RNLS: variants seen among roughly 807,000 people sequenced by gnomAD.
The protein encoded by RNLS is renalase, FAD dependent amine oxidase.
Under a neutral mutation model 39.8 loss-of-function variants are expected in RNLS, and 39 were observed. That is an observed-to-expected ratio of 0.98 (90% CI 0.76 to 1.28). RNLS has a LOEUF of 1.28. Ranked by LOEUF, RNLS falls within the 50% of genes most tolerant of loss-of-function variation. RNLS has a pLI of 0.00. For missense variants in RNLS, 410 were observed against 413.3 expected, an observed-to-expected ratio of 0.99 and a Z score of 0.07; for synonymous variants, 147 against 150.7, an observed-to-expected ratio of 0.98 and a Z score of 0.18.
At chr10:88,186,793 G>A in the RNLS span, among the ~76,000 whole-genome samples, 3 of 151,934 alleles carry the variant, frequency 2.0e-5, no homozygotes, top group East Asian at 1.9e-4. Context: ...TCAGAAGCCC[G>A]AAATATTCCC....
intron 4 of RNLS, among the ~76,000 whole-genome samples, chr10:88,534,223 T>G (rs1481934182): frequency 6.6e-6 from 1 of 152,118 alleles, no homozygotes; most frequent in Admixed American, 6.6e-5. Context: ...ATTTGTTTTA[T>G]GGACTGGAGA....
At chr10:88,502,128 G>A (rs1474928745) in intron 4 of RNLS, among the ~76,000 whole-genome samples, 1 of 151,934 alleles carries the variant, frequency 6.6e-6, no homozygotes, top group Non-Finnish European at 1.5e-5. Flanking sequence ...ACTGAAATCA[G>A]AAACACCCAG....
the RNLS span, among the ~76,000 whole-genome samples, chr10:88,244,300 C>T: frequency 2.0e-5 from 3 of 152,216 alleles, no homozygotes; most frequent in Non-Finnish European, 4.4e-5. Context: ...AGGAGGGCAG[C>T]CAGATCCGTA....
At chr10:88,513,803 C>G (rs567860776) in intron 4 of RNLS, among the ~76,000 whole-genome samples, 1 of 152,216 alleles carries the variant, frequency 6.6e-6, no homozygotes, top group South Asian at 2.1e-4. Context: ...ACAGTTAACA[C>G]TCCCACCAGC....
At chr10:88,326,887 T>A (rs565989065) in intron 5 of RNLS, among the ~76,000 whole-genome samples, 3 of 152,214 alleles carry the variant, frequency 2.0e-5, no homozygotes, top group African/African-American at 7.2e-5. Flanking sequence ...CTTGCATCAG[T>A]GTGACCTGGA....
At chr10:88,572,196 G>T (rs1160132371) in intron 4 of RNLS, among the ~76,000 whole-genome samples, 2 of 152,104 alleles carry the variant, frequency 1.3e-5, no homozygotes, top group Non-Finnish European at 1.5e-5. Context: ...GCTATTTGTA[G>T]TTTAGAGTCT....
At chr10:88,338,719 T>C (rs911362816) in intron 5 of RNLS, among the ~76,000 whole-genome samples, 4 of 151,558 alleles carry the variant, frequency 2.6e-5, no homozygotes, top group Admixed American at 1.3e-4. Flanking sequence ...AGTTTGAATA[T>C]CACTCATCAT....
chr10:88,442,240 G>A (rs2133854032), intron 4 of RNLS, among the ~76,000 whole-genome samples: 1 of 152,258 alleles, frequency 6.6e-6, no homozygotes, highest in Non-Finnish European at 1.5e-5. Context: ...AAAGCAAATA[G>A]TTTACAGCTG....
intron 4 of RNLS, among the ~76,000 whole-genome samples, chr10:88,412,834 C>A (rs531059768): frequency 6.6e-6 from 1 of 152,224 alleles, no homozygotes; most frequent in African/African-American, 2.4e-5. Context: ...GGGTAGTTAC[C>A]CCTGCCTAGA....
intron 5 of RNLS, among the ~76,000 whole-genome samples, chr10:88,358,440 T>C (rs923323219): frequency 6.6e-6 from 1 of 152,188 alleles, no homozygotes; most frequent in Non-Finnish European, 1.5e-5. Flanking sequence ...CATGATAAAG[T>C]ACATTTAGGA....
At chr10:88,373,113 A>G (rs1344712897) in intron 4 of RNLS, among the ~76,000 whole-genome samples, 1 of 152,180 alleles carries the variant, frequency 6.6e-6, no homozygotes, top group Admixed American at 6.6e-5. Context: ...TCTAAAATCC[A>G]TAACAATAAA....
At chr10:88,385,637 G>C (rs1332319927) in intron 4 of RNLS, among the ~76,000 whole-genome samples, 3 of 152,230 alleles carry the variant, frequency 2.0e-5, no homozygotes. Flanking sequence ...CCCCAGGTGA[G>C]TGATTTAGCC....
chr10:88,417,856 C>A (rs1854134030), intron 4 of RNLS, among the ~76,000 whole-genome samples: 1 of 152,154 alleles, frequency 6.6e-6, no homozygotes, highest in Non-Finnish European at 1.5e-5. Flanking sequence ...ACTATAGAAG[C>A]CTTCTCTTTA....
chr10:88,187,170 A>C, the RNLS span, among the ~76,000 whole-genome samples: 2 of 48,620 alleles, frequency 4.1e-5, no homozygotes, highest in Non-Finnish European at 7.8e-5. Flanking sequence ...TATATATAAT[A>C]TATATATAAT....
intron 4 of RNLS, among the ~76,000 whole-genome samples, chr10:88,379,841 T>C (rs541637520): frequency 5.3e-5 from 8 of 152,158 alleles, no homozygotes; most frequent in Non-Finnish European, 8.8e-5. Context: ...AGAGGCTTCA[T>C]AGGTTTCTGG....
At chr10:88,178,599 A>G in the RNLS span, among the ~76,000 whole-genome samples, 1 of 152,336 alleles carries the variant, frequency 6.6e-6, no homozygotes, top group East Asian at 1.9e-4. Flanking sequence ...CTATGCTGCC[A>G]TCATGAATTT....
intron 6 of RNLS, among the ~76,000 whole-genome samples, chr10:88,294,212 C>T (rs1170961356): frequency 6.6e-6 from 1 of 152,144 alleles, no homozygotes; most frequent in Non-Finnish European, 1.5e-5. Flanking sequence ...TAGCATTAAT[C>T]ACATGCCTGT....
chr10:88,511,829 C>T (rs1020127135), intron 4 of RNLS, among the ~76,000 whole-genome samples: 2 of 152,188 alleles, frequency 1.3e-5, no homozygotes, highest in African/African-American at 2.4e-5. Flanking sequence ...ATGTTCTTAA[C>T]AAAGTGATAG....
the RNLS span, among the ~76,000 whole-genome samples, chr10:88,247,996 C>T: frequency 6.6e-6 from 1 of 152,218 alleles, no homozygotes; most frequent in Non-Finnish European, 1.5e-5. Context: ...CTACTGACAC[C>T]TTGATGTGAG....
Sources: gnomAD v4.1 joint callset for allele counts (sites outside exome capture counted in the v4.1 genomes callset) on GRCh38, gnomAD v4.1.1 for gene constraint, MANE v1.5 for transcripts, NCBI Gene and HGNC (gene_info 2026-07-23, HGNC 2026-07-21) for gene names.